CTTNBP2: variants seen among roughly 807,000 people sequenced by gnomAD.
The protein encoded by CTTNBP2 is cortactin binding protein 2.
A neutral mutation model predicts 156.9 loss-of-function variants in CTTNBP2; 108 were observed. That is an observed-to-expected ratio of 0.69 (90% CI 0.59 to 0.81). The LOEUF is 0.81. CTTNBP2 is among the 30% of genes least tolerant of loss of function. The probability of loss-of-function intolerance (pLI) is 0.00; values close to 1 mark genes in which losing one functional copy is unlikely to be tolerated. For missense variants in CTTNBP2, 1,924 were observed against 2,035.4 expected (o/e 0.95, Z 1.05); for synonymous variants, 767 against 751.8 (o/e 1.02, Z -0.33).
At chr7:117,800,656 G>A (rs184610713) in intron 3 of CTTNBP2, among the ~76,000 whole-genome samples, 7 of 152,154 alleles carry the variant, frequency 4.6e-5, no homozygotes, top group African/African-American at 1.7e-4. Context: ...TGAAAATCGG[G>A]TTTCTCACTG....
chr7:117,712,973 C>T (rs940024394), intron 22 of CTTNBP2, among the ~76,000 whole-genome samples: 4 of 152,160 alleles, frequency 2.6e-5, no homozygotes, highest in Non-Finnish European at 4.4e-5. Context: ...AGGACGTGAG[C>T]GGGGGCGAGC....
At chr7:117,765,822 A>G (rs1484811439) in intron 9 of CTTNBP2, among the ~76,000 whole-genome samples, 1 of 152,182 alleles carries the variant, frequency 6.6e-6, no homozygotes, top group African/African-American at 2.4e-5. Context: ...TTTGTACCAC[A>G]TTATGCACTA....
chr7:117,757,826 C>T, intron 11 of CTTNBP2, 49 bp downstream of exon 11: 4 of 1,273,686 alleles, frequency 3.1e-6, no homozygotes, highest in Non-Finnish European at 4.4e-6. Flanking sequence ...CTGAGGCAGC[C>T]ATGAAGCAAA....
Position 117,745,907 on chromosome 7 carries a change from G to A in CTTNBP2, c.3459C>T (p.Phe1153=). 1.2e-6 allele frequency: 2 copies of A among 1,614,106 alleles called. No homozygotes were observed. Among genetic ancestry groups the A allele is most frequent in the Non-Finnish European group, 1.7e-6 (2 of 1,179,974 alleles). Residue 1153 remains phenylalanine, a synonymous_variant, in exon 14 of 23, where the codon TTC becomes TTT. Coordinates refer to ENST00000160373, the MANE Select transcript of CTTNBP2 (RefSeq NM_033427.3). ...CTTCAGCTCTCACTATTTCACAGGA[G>A]AATCCTGCAGCCATTTGTCTGTGCT... The part of the protein sequence containing the change: ...CLKHRQMAAG[F]SCEIVRAEVD...
chr7:117,858,327 A>T (rs910496499), intron 2 of CTTNBP2, among the ~76,000 whole-genome samples: 1 of 152,146 alleles, frequency 6.6e-6, no homozygotes, highest in African/African-American at 2.4e-5. Flanking sequence ...CCGAGATCGC[A>T]CCACTGCACT....
intron 4 of CTTNBP2, 39 bp downstream of exon 4, chr7:117,791,089 A>C: frequency 6.6e-7 from 1 of 1,525,090 alleles, no homozygotes; most frequent in Non-Finnish European, 9.0e-7. Flanking sequence ...AAGAGAGGCC[A>C]TATTCTTTAA....
chr7:117,745,620 A>AATAACG (rs113305149), intron 14 of CTTNBP2, among the ~76,000 whole-genome samples: 4 of 151,616 alleles, frequency 2.6e-5, no homozygotes, highest in African/African-American at 9.7e-5. Flanking sequence ...ATTAATGATT[A>AATAACG]ATAACAAAAA....
intron 2 of CTTNBP2, among the ~76,000 whole-genome samples, chr7:117,856,900 G>A (rs1015886752): frequency 6.6e-6 from 1 of 152,104 alleles, no homozygotes; most frequent in East Asian, 1.9e-4. Context: ...TAAGATACCT[G>A]TAAGAATACC....
chr7:117,835,450 C>T (rs962705302), intron 2 of CTTNBP2, among the ~76,000 whole-genome samples: 3 of 152,174 alleles, frequency 2.0e-5, no homozygotes, highest in Non-Finnish European at 4.4e-5. Context: ...TTCAGTCAAC[C>T]ACAGGGGGTC....
intron 21 of CTTNBP2, 104 bp downstream of exon 21, chr7:117,719,400 A>T: frequency 1.9e-6 from 2 of 1,079,060 alleles, no homozygotes; most frequent in Non-Finnish European, 2.6e-6. Context: ...TTGGATCATT[A>T]ACCATACTAT....
At chr7:117,835,840 T>C (rs1413717650) in intron 2 of CTTNBP2, among the ~76,000 whole-genome samples, 1 of 152,184 alleles carries the variant, frequency 6.6e-6, no homozygotes, top group Non-Finnish European at 1.5e-5. Flanking sequence ...GCTCTAAAGT[T>C]CCTAGCTCTG....
intron 10 of CTTNBP2, among the ~76,000 whole-genome samples, chr7:117,759,624 G>A (rs1230079000): frequency 1.3e-5 from 2 of 152,118 alleles, no homozygotes; most frequent in Non-Finnish European, 2.9e-5. Flanking sequence ...TTCCAATACG[G>A]TGCTGTTGAA....
In CTTNBP2 at chr7:117,782,931, G is replaced by A. The variant is rs141914747; in HGVS notation, c.2303C>T (p.Ala768Val). The A allele has an allele frequency of 9.5e-5, 154 of 1,613,926 alleles. No individual in the cohort carries two copies. The highest frequency in any genetic ancestry group is 1.3e-4 in the Non-Finnish European group (151 of 1,179,938). ...ATTTTTATCAGCAGCATTGACTTGGGCTTCTGCACTCAGCAGCAATCTCAC... is the reference window on the plus strand; with the variant it reads ...ATTTTTATCAGCAGCATTGACTTGGACTTCTGCACTCAGCAGCAATCTCAC... ...DCVRLLLSAE[A>V]QVNAADKNGF... The change falls in exon 6 of 23, where the codon GCC becomes GTC. Residue 768 changes from alanine (A) to valine (V), a missense_variant. Coordinates refer to ENST00000160373, the MANE Select transcript of CTTNBP2 (RefSeq NM_033427.3).
intron 14 of CTTNBP2, among the ~76,000 whole-genome samples, chr7:117,740,470 T>G (rs899920397): frequency 3.3e-5 from 5 of 152,102 alleles, no homozygotes; most frequent in South Asian, 2.1e-4. Context: ...TCAACCCACA[T>G]AGTTTAAGGC....
intron 1 of CTTNBP2, among the ~76,000 whole-genome samples, chr7:117,872,858 G>A (rs1293772823): frequency 1.3e-5 from 2 of 152,116 alleles, no homozygotes; most frequent in Non-Finnish European, 2.9e-5. Context: ...CACCTGCTGG[G>A]CGATGGCCCA....
At chr7:117,796,978 AAG>A (rs1799357402) in intron 3 of CTTNBP2, among the ~76,000 whole-genome samples, 2 of 152,224 alleles carry the variant, frequency 1.3e-5, no homozygotes, top group South Asian at 4.1e-4. Flanking sequence ...AGAGCAATAA[AAG>A]AGGTAGAAAT....
chr7:117,737,608 C>CT (rs1217989339), intron 14 of CTTNBP2, among the ~76,000 whole-genome samples: 1 of 152,150 alleles, frequency 6.6e-6, no homozygotes, highest in Non-Finnish European at 1.5e-5. Context: ...GAGTCTTGCT[C>CT]TGTTGCCCAG....
chr7:117,747,749 G>C (rs1796413374), intron 12 of CTTNBP2, among the ~76,000 whole-genome samples: 1 of 152,124 alleles, frequency 6.6e-6, no homozygotes, highest in Non-Finnish European at 1.5e-5. Flanking sequence ...CCCCATCCTG[G>C]GCAACAGAGC....
intron 5 of CTTNBP2, 63 bp downstream of exon 5, chr7:117,784,188 T>C (rs780242877): frequency 7.9e-6 from 10 of 1,273,360 alleles, no homozygotes; most frequent in African/African-American, 1.5e-5. Flanking sequence ...TTACAATTGA[T>C]ACATGGGCTT....
Sources: gnomAD v4.1 joint callset for allele counts (sites outside exome capture counted in the v4.1 genomes callset) on GRCh38, gnomAD v4.1.1 for gene constraint, MANE v1.5 for transcripts, NCBI Gene and HGNC (gene_info 2026-07-23, HGNC 2026-07-21) for gene names.